TENM3: variants seen among roughly 807,000 people sequenced by gnomAD.
The protein encoded by TENM3 is teneurin transmembrane protein 3.
In TENM3, 63 loss-of-function variants were observed where a neutral mutation model predicts 255.1. The observed-to-expected ratio is 0.25, with a 90% CI of 0.20 to 0.30. The LOEUF (loss-of-function observed/expected upper bound fraction) is 0.30, where lower values mean the gene tolerates loss of function less well. TENM3 is among the 10% of genes least tolerant of loss of function. The pLI, the probability that TENM3 is intolerant of heterozygous loss-of-function variation, is 1.00. For synonymous variants in TENM3, 1,306 were observed against 1,322.3 expected, an observed-to-expected ratio of 0.99 and a Z score of 0.27; for missense variants, 2,929 against 3,461.1, an observed-to-expected ratio of 0.85 and a Z score of 3.86.
At chr4:181,470,850 T>C in the TENM3 span, among the ~76,000 whole-genome samples, 19 of 152,242 alleles carry the variant, frequency 1.2e-4, no homozygotes, top group East Asian at 3.5e-3. Context: ...CATTGTAAGG[T>C]GAAAAAAAGT....
the TENM3 span, among the ~76,000 whole-genome samples, chr4:181,655,617 C>T: frequency 6.6e-6 from 1 of 152,126 alleles, no homozygotes; most frequent in Admixed American, 6.5e-5. Flanking sequence ...ATGGCAGAGG[C>T]CCCTTTCATA....
chr4:181,654,266 G>T, the TENM3 span, among the ~76,000 whole-genome samples: 1 of 151,482 alleles, frequency 6.6e-6, no homozygotes, highest in Admixed American at 6.6e-5. Context: ...AAACTCGTGG[G>T]CCCCACCATT....
the TENM3 span, among the ~76,000 whole-genome samples, chr4:181,795,136 G>C: frequency 6.6e-6 from 1 of 152,140 alleles, no homozygotes; most frequent in Non-Finnish European, 1.5e-5. Context: ...ATTCAGATTT[G>C]TGTTTTCGAT....
In TENM3 at chr4:182,335,494, CAAAAAAAAAAAAAA is replaced by C. The variant is rs372965020; in HGVS notation, c.233-11145_233-11132del. Among the ~76,000 whole-genome samples the C allele has an allele frequency of 9.5e-5, 5 of 52,398 alleles. No homozygotes were observed. In the South Asian group the frequency reaches 7.1e-3, roughly 75 times the overall value. The allele number at this position is 52,398 out of a possible 152,430, so 34.4% of individuals were successfully genotyped here. On this transcript the variant is annotated intron_variant, in intron 2 of 27. Transcript: ENST00000511685. ...TGGGCGACAGAGCGAGACTCCGCCT[CAAAAAAAAAAAAAA>C]AAAAAAAAAAAGACGAAGCATTTGC...
the TENM3 span, among the ~76,000 whole-genome samples, chr4:181,470,004 A>G: frequency 6.6e-6 from 1 of 151,534 alleles, no homozygotes; most frequent in African/African-American, 2.4e-5. Context: ...ATCATAACAT[A>G]TGCGGTAATG....
At chr4:182,234,775 G>A (rs138567169) in intron 1 of TENM3, among the ~76,000 whole-genome samples, 2 of 152,040 alleles carry the variant, frequency 1.3e-5, no homozygotes, top group African/African-American at 2.4e-5. Flanking sequence ...AAACACAGTC[G>A]TTATTCTCAA....
upstream of TENM3, chr4:182,144,171 T>TCTCCTCTC (rs1749694886): frequency 6.7e-6 from 1 of 149,942 alleles, no homozygotes; most frequent in Non-Finnish European, 1.5e-5. Flanking sequence ...GGTAGGCTCC[T>TCTCCTCTC]CTCCTCTCCT....
Position 182,800,137 on chromosome 4 carries a change from T to A in TENM3, c.7886T>A (p.Leu2629His). ...RILEQARQRA[L>H]ARAWAREQQR... Reference sequence around the variant, plus strand: ...CTGGAGCAGGCGCGGCAGCGCGCGCTCGCCCGGGCCTGGGCGCGCGAGCAG... The same window carrying A: ...CTGGAGCAGGCGCGGCAGCGCGCGCACGCCCGGGCCTGGGCGCGCGAGCAG... Residue 2629 changes from leucine to histidine, a missense_variant, in exon 28 of 28, where the codon CTC (leucine) becomes CAC (histidine). Transcript: ENST00000511685. The A allele has an allele frequency of 6.9e-7, 1 of 1,458,912 alleles. No homozygotes were observed. Among genetic ancestry groups the A allele is most frequent in the Non-Finnish European group, 9.0e-7 (1 of 1,114,862 alleles). 90.4% of individuals were successfully genotyped at this position (1,458,912 alleles called of 1,614,324 possible).
At position 182,399,857 on chromosome 4, in the gene TENM3, C is replaced by A. The variant is rs7674570; in HGVS notation, c.511+52928C>A. ...CTTCACCTGACTACAGTAAAAGGGT[C>A]TCCAGGTAGGCTGTTTGTAACTATT... On this transcript the variant is annotated intron_variant, in intron 3 of 27. Transcript: ENST00000511685. 4.5e-3 allele frequency among the ~76,000 whole-genome samples: 686 copies of A among 151,960 alleles called. 7 individuals are homozygous for A. The highest frequency in any genetic ancestry group is 0.016 in the African/African-American group (643 of 41,440).
At chr4:182,288,692 C>A (rs1221411421) in intron 1 of TENM3, among the ~76,000 whole-genome samples, 1 of 152,178 alleles carries the variant, frequency 6.6e-6, no homozygotes, top group Non-Finnish European at 1.5e-5. Flanking sequence ...GGAGTGACTT[C>A]TCCAAGCTCA....
At chr4:182,215,671 G>A (rs1360144356) in intron 1 of TENM3, among the ~76,000 whole-genome samples, 2 of 152,184 alleles carry the variant, frequency 1.3e-5, no homozygotes, top group East Asian at 3.9e-4. Flanking sequence ...AGGTACAAAT[G>A]TGGCAACAGG....
chr4:182,744,068 T>TAGAAGGC, intron 19 of TENM3: 1 of 877,584 alleles, frequency 1.1e-6, no homozygotes, highest in Non-Finnish European at 1.4e-6. Flanking sequence ...CATTATATTT[T>TAGAAGGC]AGAAGGCTTT....
At chr4:182,031,537 G>A in the TENM3 span, among the ~76,000 whole-genome samples, 2 of 151,928 alleles carry the variant, frequency 1.3e-5, no homozygotes, top group African/African-American at 4.8e-5. Context: ...GCTATATGGG[G>A]TCTTTTTAGG....
the TENM3 span, among the ~76,000 whole-genome samples, chr4:182,039,199 G>T: frequency 6.6e-6 from 1 of 152,164 alleles, no homozygotes; most frequent in Non-Finnish European, 1.5e-5. Context: ...AACGCCTCAA[G>T]ATGTTTGAAT....
rs376226018 is a variant in TENM3 at position 182,273,639 on chromosome 4, C to T, written c.-76+30163C>T. On this transcript the variant is annotated intron_variant, in intron 1 of 27. Coordinates refer to ENST00000511685, the MANE Select transcript of TENM3 (RefSeq NM_001080477.4). ...ATTGTAAGAGGAAAATATGTACATT[C>T]TGTTAGAAGGCAGGTGCAAAACAAT... Among the ~76,000 whole-genome samples, 16 of 152,314 alleles carry T rather than the reference C, an allele frequency of 1.1e-4. 1 individual carries two copies. The highest frequency in any genetic ancestry group is 3.8e-4 in the African/African-American group (16 of 41,564).
the TENM3 span, among the ~76,000 whole-genome samples, chr4:182,037,534 G>A: frequency 6.6e-6 from 1 of 152,170 alleles, no homozygotes; most frequent in African/African-American, 2.4e-5. Context: ...TATTTTCCTA[G>A]GAGATAGTTG....
At chr4:182,418,718 C>T (rs961359170) in intron 3 of TENM3, among the ~76,000 whole-genome samples, 4 of 152,116 alleles carry the variant, frequency 2.6e-5, no homozygotes, top group African/African-American at 9.7e-5. Context: ...CCCACCACAA[C>T]ACCAAGCTAA....
chr4:182,162,503 G>A (rs1011192254), intron 1 of TENM3, among the ~76,000 whole-genome samples: 3 of 152,190 alleles, frequency 2.0e-5, no homozygotes, highest in African/African-American at 7.2e-5. Context: ...TGTATAGGGT[G>A]GGGTTTGTTC....
the TENM3 span, among the ~76,000 whole-genome samples, chr4:181,516,246 C>T: frequency 2.0e-5 from 3 of 151,864 alleles, no homozygotes; most frequent in Non-Finnish European, 4.4e-5. Context: ...GGAAAAATAG[C>T]TAATGTATGC....
Sources: gnomAD v4.1 joint callset for allele counts (sites outside exome capture counted in the v4.1 genomes callset) on GRCh38, gnomAD v4.1.1 for gene constraint, MANE v1.5 for transcripts, NCBI Gene and HGNC (gene_info 2026-07-23, HGNC 2026-07-21) for gene names.